Variants in C13orf42 observed in about 807,000 individuals in gnomAD.
The protein encoded by C13orf42 is uncharacterized protein C13orf42.
chr13:51,113,624 G>A (rs1953457116), upstream of C13orf42, among the ~76,000 whole-genome samples: 2 of 152,072 alleles, frequency 1.3e-5, no homozygotes, highest in African/African-American at 4.8e-5. Context: ...TAGAGACAGG[G>A]TCTTGCTATG....
chr13:51,170,110 T>G (rs908807959), intron 1 of C13orf42, among the ~76,000 whole-genome samples: 1 of 152,110 alleles, frequency 6.6e-6, no homozygotes, highest in Non-Finnish European at 1.5e-5. Flanking sequence ...CTGAGCACCT[T>G]GCGATCCCCA....
intron 1 of C13orf42, among the ~76,000 whole-genome samples, chr13:51,169,992 G>A (rs1459951947): frequency 6.6e-6 from 1 of 152,122 alleles, no homozygotes; most frequent in African/African-American, 2.4e-5. Flanking sequence ...CTTAACTGAT[G>A]ACATTCCACC....
chr13:51,100,356 T>C (rs1439706255), intron 1 of C13orf42, among the ~76,000 whole-genome samples: 3 of 152,064 alleles, frequency 2.0e-5, no homozygotes, highest in Non-Finnish European at 2.9e-5. Context: ...AGAGGTATAA[T>C]AACTTGGAGA....
At chr13:51,147,075 G>T (rs1260253915) in intron 1 of C13orf42, among the ~76,000 whole-genome samples, 1 of 152,256 alleles carries the variant, frequency 6.6e-6, no homozygotes, top group Non-Finnish European at 1.5e-5. Flanking sequence ...GTGGGGGCAG[G>T]CCAGGGGAGA....
chr13:51,135,482 C>G (rs530529201), intron 1 of C13orf42, among the ~76,000 whole-genome samples: 2 of 152,008 alleles, frequency 1.3e-5, no homozygotes, highest in East Asian at 3.9e-4. Flanking sequence ...GAGATCCCAT[C>G]TATTTTTTTT....
At position 51,099,473 on chromosome 13, in the gene C13orf42, C is replaced by T. The variant is rs574931895; in HGVS notation, c.414+11323G>A. ...AAAGAGATAAAAATAAGAAGTTTGT[C>T]AGAAACTCTAGTATAACTAAACCAT... On this transcript the variant is annotated intron_variant, in intron 1 of 3. Coordinates refer to ENST00000563710, the MANE Select transcript of C13orf42 (RefSeq NM_001351589.3). Among the ~76,000 whole-genome samples, 35 of 152,264 alleles carry T rather than the reference C, an allele frequency of 2.3e-4. 1 individual carries two copies. In the South Asian group the frequency reaches 6.8e-3, roughly 30 times the overall value.
intron 1 of C13orf42, among the ~76,000 whole-genome samples, chr13:51,139,577 A>G (rs1172136503): frequency 6.6e-6 from 1 of 152,160 alleles, no homozygotes; most frequent in African/African-American, 2.4e-5. Flanking sequence ...GATACAGGTC[A>G]CAAAGACCTT....
chr13:51,159,664 T>C (rs962267814), intron 1 of C13orf42, among the ~76,000 whole-genome samples: 1 of 152,128 alleles, frequency 6.6e-6, no homozygotes, highest in African/African-American at 2.4e-5. Flanking sequence ...AAAAGAGAAA[T>C]AGATCCGAAG....
chr13:51,086,339 CAAG>C (rs1349357681), intron 2 of C13orf42, among the ~76,000 whole-genome samples: 3 of 139,604 alleles, frequency 2.1e-5, no homozygotes, highest in African/African-American at 7.7e-5. Flanking sequence ...AAAAAAAAAA[CAAG>C]AAGACACAGA....
chr13:51,169,011 T>C (rs1297321384), intron 1 of C13orf42, among the ~76,000 whole-genome samples: 1 of 152,218 alleles, frequency 6.6e-6, no homozygotes, highest in East Asian at 1.9e-4. Context: ...CTCTTTGCTT[T>C]ATAAATAACC....
intron 1 of C13orf42, among the ~76,000 whole-genome samples, chr13:51,130,180 C>T (rs9568530): frequency 0.31 from 46,945 of 152,086 alleles, 7,571 homozygotes; most frequent in South Asian, 0.41. Flanking sequence ...TAAAAACAGC[C>T]TTAAAGATTA....
chr13:51,118,055 G>A (rs897063130), intron 1 of C13orf42, among the ~76,000 whole-genome samples: 10 of 152,204 alleles, frequency 6.6e-5, no homozygotes, highest in Admixed American at 1.3e-4. Context: ...GGTACCCAGA[G>A]CTGCATGGGG....
intron 1 of C13orf42, among the ~76,000 whole-genome samples, chr13:51,148,844 T>C (rs1953757409): frequency 6.6e-6 from 1 of 152,226 alleles, no homozygotes; most frequent in Non-Finnish European, 1.5e-5. Flanking sequence ...GGCTTGCTGC[T>C]GCCTCCACGC....
chr13:51,166,949 C>T (rs184016350), intron 1 of C13orf42, among the ~76,000 whole-genome samples: 43 of 151,922 alleles, frequency 2.8e-4, no homozygotes, highest in African/African-American at 9.9e-4. Flanking sequence ...TGTGGTGGTG[C>T]GCACCTATAG....
chr13:51,109,175 C>T (rs1953397182), intron 1 of C13orf42, among the ~76,000 whole-genome samples: 1 of 152,222 alleles, frequency 6.6e-6, no homozygotes, highest in South Asian at 2.1e-4. Context: ...GGGCCCCCAA[C>T]ACTGACATAC....
At chr13:51,130,316 C>T (rs959309141) in intron 1 of C13orf42, among the ~76,000 whole-genome samples, 17 of 152,118 alleles carry the variant, frequency 1.1e-4, no homozygotes, top group African/African-American at 4.1e-4. Flanking sequence ...GCATTAGATT[C>T]TAGATAAGGC....
At chr13:51,144,302 A>G (rs1273979242) in intron 1 of C13orf42, among the ~76,000 whole-genome samples, 1 of 151,110 alleles carries the variant, frequency 6.6e-6, no homozygotes, top group Non-Finnish European at 1.5e-5. Flanking sequence ...TTTGCTTAAT[A>G]TGTTTGCTGA....
rs1170889165 is a variant in C13orf42, at chr13:51,169,967, TA to T, written n.136+2285del. On this transcript the variant is annotated intron_variant and non_coding_transcript_variant, in intron 1 of 4. Coordinates refer to the C13orf42 transcript ENST00000433280. ...ACTGAAGAATCACAAAAGAAGTGAA[TA>T]TGCCTTGCCCCACCTTAACTGATGA... Among the ~76,000 whole-genome samples the T allele has an allele frequency of 2.0e-5, 3 of 152,274 alleles. No homozygotes were observed. The East Asian group carries it at 5.8e-4, about 29-fold the overall frequency.
At chr13:51,137,995 G>A (rs1053766842) in intron 1 of C13orf42, among the ~76,000 whole-genome samples, 5 of 152,196 alleles carry the variant, frequency 3.3e-5, no homozygotes, top group African/African-American at 1.2e-4. Flanking sequence ...GTTCTATGGT[G>A]TAGAGGCAGG....
Sources: gnomAD v4.1 joint callset for allele counts (sites outside exome capture counted in the v4.1 genomes callset) on GRCh38, gnomAD v4.1.1 for gene constraint, MANE v1.5 for transcripts, NCBI Gene and HGNC (gene_info 2026-07-23, HGNC 2026-07-21) for gene names.